The following CORO7 variants were observed in gnomAD, a reference collection of about 807,000 sequenced individuals.
CORO7 encodes the protein coronin 7, also known as coronin-7.
Under a neutral mutation model 126.6 loss-of-function variants are expected in CORO7, and 107 were observed. The observed-to-expected ratio is 0.85, with a 90% CI of 0.72 to 0.99. CORO7 has a LOEUF of 0.99. Ranked by LOEUF, CORO7 falls within the 50% of genes least tolerant of loss-of-function variation. CORO7 has a pLI of 0.00. For synonymous variants in CORO7, 603 were observed against 536.8 expected (o/e 1.12, Z -1.70); for missense variants, 1,314 against 1,255.8 (o/e 1.05, Z -0.70).
At chr16:4,384,209 C>T (rs1378639026) in intron 9 of CORO7, among the ~76,000 whole-genome samples, 4 of 152,228 alleles carry the variant, frequency 2.6e-5, no homozygotes, top group Admixed American at 6.5e-5. Flanking sequence ...GGCTTGCAGA[C>T]GGTGCCAGGA....
At chr16:4,387,180 C>A (rs925141957) in intron 9 of CORO7, among the ~76,000 whole-genome samples, 88 of 152,234 alleles carry the variant, frequency 5.8e-4, no homozygotes, top group African/African-American at 2.0e-3. Flanking sequence ...TCTGAACACC[C>A]CCCCCAGCCT....
intron 6 of CORO7, among the ~76,000 whole-genome samples, chr16:4,401,406 C>T (rs546972370): frequency 6.6e-6 from 1 of 152,296 alleles, no homozygotes; most frequent in East Asian, 1.9e-4. Flanking sequence ...TCAGCAGGGC[C>T]CTGGTTTTAT....
intron 9 of CORO7, among the ~76,000 whole-genome samples, chr16:4,370,787 G>A (rs769760684): frequency 6.8e-6 from 1 of 147,674 alleles, no homozygotes; most frequent in African/African-American, 2.4e-5. Context: ...CAGCTGGTGT[G>A]GCCCAGCCTC....
intron 9 of CORO7, chr16:4,380,865 C>A: frequency 6.7e-7 from 1 of 1,500,176 alleles, no homozygotes; most frequent in Admixed American, 2.2e-5. Flanking sequence ...CTCTCTGCTC[C>A]CAGGGACAGA....
chr16:4,412,984 C>A, intron 2 of CORO7: 1 of 308,370 alleles, frequency 3.2e-6, no homozygotes, highest in Non-Finnish European at 6.0e-6. Flanking sequence ...CTACTGTCCC[C>A]AGCCATCCAG....
At chr16:4,412,456 A>G (rs777146376) in intron 2 of CORO7, 26 bp from the exon 3 acceptor site, 2 of 1,613,394 alleles carry the variant, frequency 1.2e-6, no homozygotes, top group African/African-American at 1.3e-5. Context: ...GGGGACTCTG[A>G]CTTCAGGCCC....
intron 3 of CORO7, among the ~76,000 whole-genome samples, chr16:4,408,638 C>T (rs548606476): frequency 1.3e-5 from 2 of 152,294 alleles, no homozygotes; most frequent in African/African-American, 2.4e-5. Flanking sequence ...TTAAGCAAGC[C>T]GGAGTTGGCT....
chr16:4,415,583 C>G (rs1486569886), intron 1 of CORO7: 1 of 318,604 alleles, frequency 3.1e-6, no homozygotes, highest in Non-Finnish European at 4.5e-6. Context: ...AAAGTGGAAG[C>G]AGAGGAAATA....
At position 4,361,154 on chromosome 16, in the gene CORO7, T is replaced by G. The variant is rs778145331; in HGVS notation, c.1774+8A>C. On this transcript the variant is annotated splice_region_variant and intron_variant, in intron 18 of 27. Coordinates refer to ENST00000251166, the MANE Select transcript of CORO7 (RefSeq NM_024535.5). ...GCCACCCCAGCCCCATTCCTGAGCC[T>G]GCCTGACCTGTGAGCACAGTCTCTG... 1.9e-6 allele frequency: 3 copies of G among 1,613,126 alleles called. No homozygotes were observed. The highest frequency in any genetic ancestry group is 2.2e-5 in the South Asian group (2 of 91,086).
chr16:4,393,075 G>T (rs896785732), intron 7 of CORO7, among the ~76,000 whole-genome samples: 2 of 152,234 alleles, frequency 1.3e-5, no homozygotes, highest in African/African-American at 2.4e-5. Context: ...GAGGAGGAAG[G>T]CTGGAAAGAG....
At chr16:4,410,951 A>C (rs1436848311) in intron 3 of CORO7, among the ~76,000 whole-genome samples, 1 of 152,262 alleles carries the variant, frequency 6.6e-6, no homozygotes, top group Non-Finnish European at 1.5e-5. Flanking sequence ...CCACAGAGGC[A>C]GGAAGCAGAT....
At chr16:4,405,459 G>T (rs765428567) in intron 6 of CORO7, 32 bp downstream of exon 6, 1 of 1,605,424 alleles carries the variant, frequency 6.2e-7, no homozygotes, top group South Asian at 1.1e-5. Context: ...CCTGCACAGA[G>T]CCCCACAGGG....
At chr16:4,412,720 C>T (rs2056259545) in intron 2 of CORO7, 1 of 433,544 alleles carries the variant, frequency 2.3e-6, no homozygotes, top group African/African-American at 2.0e-5. Flanking sequence ...GGGCTTGCAG[C>T]TACCGTCAGC....
chr16:4,355,599 G>A, intron 26 of CORO7: 1 of 539,386 alleles, frequency 1.9e-6, no homozygotes. Context: ...CTCCCAAGGA[G>A]CTGGGATTAC....
intron 21 of CORO7, 29 bp downstream of exon 21, chr16:4,360,248 GC>G: frequency 6.2e-7 from 1 of 1,613,088 alleles, no homozygotes; most frequent in Non-Finnish European, 8.5e-7. Flanking sequence ...GGCTTCTGAA[GC>G]CTGGGGATGG....
chr16:4,380,282 C>T (rs1383457201), intron 9 of CORO7, among the ~76,000 whole-genome samples: 1 of 152,334 alleles, frequency 6.6e-6, no homozygotes, highest in Non-Finnish European at 1.5e-5. Context: ...CGGCCACTTC[C>T]TGGCGGCCCG....
At chr16:4,414,989 G>C (rs2056353636) in intron 1 of CORO7, among the ~76,000 whole-genome samples, 6 of 151,990 alleles carry the variant, frequency 3.9e-5, no homozygotes, top group Admixed American at 3.9e-4. Context: ...AGCCTCCCAA[G>C]TAGCTGGGAC....
In CORO7 at chr16:4,359,350, G is replaced by A. The variant is rs140974533; in HGVS notation, c.2286C>T (p.Pro762=). 1.2e-3 allele frequency: 1,899 copies of A among 1,613,200 alleles called. 3 individuals are homozygous for A. The highest frequency in any genetic ancestry group is 1.4e-3 in the Non-Finnish European group (1,685 of 1,179,820). Residue 762 remains proline, a synonymous_variant, in exon 23 of 28, where the codon CCC becomes CCT. Coordinates refer to ENST00000251166, the MANE Select transcript of CORO7 (RefSeq NM_024535.5). ...TGCACTCCAGGAAGAAAGGGGACTC[G>A]GGGAGCAGCTCGTACAGGAATACAC... The part of the protein sequence containing the change: ...DTRVFLYELL[P]ESPFFLECNS...
chr16:4,357,244 C>CG lies in CORO7; in HGVS notation c.2608dup (p.Arg870ProfsTer20), dbSNP rs746102488. ...TGGGGCCCGACGAGCAGGGGCCTCT[C>CG]GGGGGGCTTGGCTCACTGGGACAGA... On this transcript the variant is annotated frameshift_variant, in exon 26 of 28. Coordinates refer to ENST00000251166, the MANE Select transcript of CORO7 (RefSeq NM_024535.5). LOFTEE classifies it high-confidence loss of function. The CG allele has an allele frequency of 1.9e-6, 3 of 1,613,202 alleles. No individual in the cohort carries two copies. Among genetic ancestry groups the CG allele is most frequent in the Non-Finnish European group, 8.5e-7 (1 of 1,179,748 alleles).
Sources: gnomAD v4.1 joint callset for allele counts (sites outside exome capture counted in the v4.1 genomes callset) on GRCh38, gnomAD v4.1.1 for gene constraint, MANE v1.5 for transcripts, NCBI Gene and HGNC (gene_info 2026-07-23, HGNC 2026-07-21) for gene names.